The following SIPA1L1 variants were observed in gnomAD, a reference collection of about 807,000 sequenced individuals.
The protein encoded by SIPA1L1 is signal-induced proliferation-associated 1-like protein 1.
A neutral mutation model predicts 162.7 loss-of-function variants in SIPA1L1; 26 were observed. That is an observed-to-expected ratio of 0.16 (90% confidence interval 0.12 to 0.22). The LOEUF (loss-of-function observed/expected upper bound fraction) is 0.22. SIPA1L1 is among the 10% of genes least tolerant of loss of function. The probability of loss-of-function intolerance (pLI) is 1.00; values close to 1 mark genes in which losing one functional copy is unlikely to be tolerated. For synonymous variants in SIPA1L1, 829 were observed against 837.4 expected, an observed-to-expected ratio of 0.99 and a Z score of 0.17; for missense variants, 1,874 against 2,241.0, an observed-to-expected ratio of 0.84 and a Z score of 3.31.
chr14:71,548,068 T>C (rs1158447242), intron 4 of SIPA1L1, among the ~76,000 whole-genome samples: 1 of 152,218 alleles, frequency 6.6e-6, no homozygotes, highest in Non-Finnish European at 1.5e-5. Context: ...TTTTAGATAA[T>C]TAAATTATAA....
chr14:71,694,203 A>G (rs2081452618), intron 13 of SIPA1L1, among the ~76,000 whole-genome samples: 1 of 151,940 alleles, frequency 6.6e-6, no homozygotes, highest in South Asian at 2.1e-4. Flanking sequence ...GGTGGAGGAC[A>G]GGGGTGGTTG....
At chr14:71,639,674 A>G (rs1344508218) in intron 7 of SIPA1L1, among the ~76,000 whole-genome samples, 4 of 152,230 alleles carry the variant, frequency 2.6e-5, no homozygotes, top group African/African-American at 7.2e-5. Flanking sequence ...ATTTCAAGAC[A>G]TGTTATATAG....
intron 2 of SIPA1L1, among the ~76,000 whole-genome samples, chr14:71,451,545 G>C (rs781309255): frequency 6.6e-6 from 1 of 151,152 alleles, no homozygotes; most frequent in Non-Finnish European, 1.5e-5. Context: ...TGAAGTGGGA[G>C]GATCACTTGA....
intron 17 of SIPA1L1, among the ~76,000 whole-genome samples, chr14:71,723,002 C>T (rs2083883274): frequency 6.6e-6 from 1 of 152,224 alleles, no homozygotes; most frequent in South Asian, 2.1e-4. Context: ...TCCCAAAGTG[C>T]TGGGATTACA....
intron 5 of SIPA1L1, among the ~76,000 whole-genome samples, chr14:71,608,893 A>AAAAAC (rs1261677266): frequency 2.6e-5 from 4 of 152,212 alleles, no homozygotes; most frequent in African/African-American, 9.7e-5. Context: ...CTCTGTCTCA[A>AAAAAC]AAAACAAAAC....
At chr14:71,499,494 A>G (rs558838644) in intron 2 of SIPA1L1, among the ~76,000 whole-genome samples, 1 of 152,314 alleles carries the variant, frequency 6.6e-6, no homozygotes, top group Non-Finnish European at 1.5e-5. Flanking sequence ...CATCCTGTCA[A>G]GCAAGTTCTT....
At chr14:71,668,278 T>G (rs1227717376) in intron 10 of SIPA1L1, among the ~76,000 whole-genome samples, 1 of 152,202 alleles carries the variant, frequency 6.6e-6, no homozygotes, top group African/African-American at 2.4e-5. Context: ...TGAAAGCACT[T>G]CCTCAGAGGG....
Position 71,614,294 on chromosome 14 carries a change from G to T in SIPA1L1, c.1499-4463G>T, listed in dbSNP as rs1446064677. 1.1e-4 allele frequency among the ~76,000 whole-genome samples: 17 copies of T among 151,936 alleles called. 1 individual carries two copies. Among genetic ancestry groups the T allele is most frequent in the Non-Finnish European group, 2.5e-4 (17 of 67,998 alleles). The stretch of plus-strand genomic sequence containing the variant: ...GAATGAAATGCTCCTGTACCAGAGG[G>T]TTAAATTTAAATAGTACATTAGGAT... On this transcript the variant is annotated intron_variant, in intron 5 of 23. Transcript: ENST00000381232.
intron 13 of SIPA1L1, among the ~76,000 whole-genome samples, chr14:71,697,399 G>A (rs891542798): frequency 2.5e-4 from 38 of 152,132 alleles, no homozygotes; most frequent in African/African-American, 8.9e-4. Context: ...GACAGAGGAA[G>A]GAAAAAAATG....
intron 5 of SIPA1L1, among the ~76,000 whole-genome samples, chr14:71,603,074 T>A (rs2036982784): frequency 6.6e-6 from 1 of 152,204 alleles, no homozygotes; most frequent in Admixed American, 6.5e-5. Context: ...GTTACATCTT[T>A]TTGCTGAGTT....
intron 2 of SIPA1L1, among the ~76,000 whole-genome samples, chr14:71,479,260 A>G (rs1269533553): frequency 1.3e-5 from 2 of 152,202 alleles, no homozygotes; most frequent in Non-Finnish European, 2.9e-5. Context: ...CATTCAGTAG[A>G]GAAATGAGAT....
intron 8 of SIPA1L1, among the ~76,000 whole-genome samples, chr14:71,657,448 G>A (rs2043163468): frequency 6.6e-6 from 1 of 151,888 alleles, no homozygotes; most frequent in East Asian, 1.9e-4. Context: ...GATCCTTTGA[G>A]TCTAAACAGG....
At chr14:71,590,708 T>G (rs1421369301) in intron 5 of SIPA1L1, among the ~76,000 whole-genome samples, 1 of 152,206 alleles carries the variant, frequency 6.6e-6, no homozygotes, top group Non-Finnish European at 1.5e-5. Context: ...TCAGAATAAT[T>G]TTCTGAAGTT....
chr14:71,329,141 T>C (rs907575434), intron 2 of SIPA1L1, among the ~76,000 whole-genome samples: 1 of 152,252 alleles, frequency 6.6e-6, no homozygotes, highest in African/African-American at 2.4e-5. Flanking sequence ...TTCCGTCGTA[T>C]GGGTATACCA....
In SIPA1L1 at chr14:71,726,160, T is replaced by C. The variant is rs185362398; in HGVS notation, c.4614+1325T>C. 2.5e-3 allele frequency among the ~76,000 whole-genome samples: 378 copies of C among 152,352 alleles called. 1 individual carries two copies. The highest frequency in any genetic ancestry group is 6.8e-3 in the Middle Eastern group (2 of 294). The stretch of plus-strand genomic sequence containing the variant: ...GAGTTTTGTCGAGAAATAAATGATT[T>C]GTTAACATGATTTATGTTAATAAAT... On this transcript the variant is annotated intron_variant, in intron 19 of 23. Transcript: ENST00000381232.
intron 4 of SIPA1L1, among the ~76,000 whole-genome samples, chr14:71,549,174 T>G (rs2055548170): frequency 6.6e-6 from 1 of 152,188 alleles, no homozygotes; most frequent in South Asian, 2.1e-4. Flanking sequence ...GGTGGCTCCC[T>G]TGGCCTTCCA....
At chr14:71,379,811 G>A (rs968725778) in intron 2 of SIPA1L1, among the ~76,000 whole-genome samples, 1 of 152,178 alleles carries the variant, frequency 6.6e-6, no homozygotes, top group African/African-American at 2.4e-5. Flanking sequence ...TACTTTCTTT[G>A]TGCTTCGTTT....
At chr14:71,554,120 C>A (rs779797011) in intron 4 of SIPA1L1, among the ~76,000 whole-genome samples, 1 of 152,060 alleles carries the variant, frequency 6.6e-6, no homozygotes, top group African/African-American at 2.4e-5. Flanking sequence ...GGTACTGATA[C>A]GTTATTTCTG....
intron 2 of SIPA1L1, among the ~76,000 whole-genome samples, chr14:71,367,399 C>T (rs762708317): frequency 2.6e-5 from 4 of 151,108 alleles, no homozygotes; most frequent in South Asian, 2.1e-4. Context: ...CTCCGCCTCC[C>T]GGGTTTCTGC....
Sources: allele counts gnomAD v4.1 joint callset (sites outside exome capture counted in the v4.1 genomes callset), GRCh38; gene constraint gnomAD v4.1.1; transcripts MANE v1.5; gene names NCBI Gene and HGNC (gene_info 2026-07-23, HGNC 2026-07-21).